ERBIN: variants seen among roughly 807,000 people sequenced by gnomAD.
ERBIN encodes densin-180-like protein.
Under a neutral mutation model 158.4 loss-of-function variants are expected in ERBIN, and 60 were observed. The observed-to-expected ratio is 0.38, with a 90% CI of 0.31 to 0.47. ERBIN has a LOEUF of 0.47. Ranked by LOEUF, ERBIN falls within the 20% of genes least tolerant of loss-of-function variation. ERBIN has a pLI of 0.99. For synonymous variants in ERBIN, 594 were observed against 557.2 expected, an observed-to-expected ratio of 1.07 and a Z score of -0.93; for missense variants, 1,610 against 1,648.0, an observed-to-expected ratio of 0.98 and a Z score of 0.40.
chr5:65,968,330 A>G (rs936245354), intron 1 of ERBIN, among the ~76,000 whole-genome samples: 3 of 152,186 alleles, frequency 2.0e-5, no homozygotes, highest in African/African-American at 7.2e-5. Flanking sequence ...TGTTTCTTCA[A>G]CTGAATATCA....
At chr5:66,069,956 G>A (rs1335496917) in intron 21 of ERBIN, among the ~76,000 whole-genome samples, 1 of 152,118 alleles carries the variant, frequency 6.6e-6, no homozygotes, top group Non-Finnish European at 1.5e-5. Flanking sequence ...GCTGTCCTCT[G>A]TCACCTGCCA....
chr5:65,962,051 C>T (rs1747985731), intron 1 of ERBIN, among the ~76,000 whole-genome samples: 1 of 152,252 alleles, frequency 6.6e-6, no homozygotes, highest in Non-Finnish European at 1.5e-5. Context: ...AGAGTAATTA[C>T]TAGAGTGCTT....
chr5:66,027,593 C>G (rs539606151), intron 13 of ERBIN, among the ~76,000 whole-genome samples: 1 of 151,856 alleles, frequency 6.6e-6, no homozygotes, highest in Non-Finnish European at 1.5e-5. Flanking sequence ...TACAGTATAC[C>G]TACTATTTAC....
At chr5:66,040,489 G>A (rs1757817956) in intron 15 of ERBIN, among the ~76,000 whole-genome samples, 3 of 151,874 alleles carry the variant, frequency 2.0e-5, no homozygotes, top group Non-Finnish European at 2.9e-5. Flanking sequence ...TAGAATGGAA[G>A]AGTTTCTAAT....
Position 65,926,683 on chromosome 5 carries a change from C to T in ERBIN, c.-181C>T, listed in dbSNP as rs1173670480. On this transcript the variant is annotated 5_prime_UTR_variant, in exon 1 of 26. Transcript: ENST00000284037. ...CACCTACTCTTCTTCTGTGGGAGGC[C>T]AGTCCACATCCGCTCTCACCCGAGA... 2 of 151,976 alleles carry T rather than the reference C, an allele frequency of 1.3e-5. No homozygotes were observed. The allele number at this position is 151,976 out of a possible 1,614,324, so 9.4% of individuals were successfully genotyped here. A position where few individuals can be genotyped will look rare whatever the true frequency, so the allele number is the denominator to read the frequency against.
chr5:65,937,954 G>T (rs1744294699), intron 1 of ERBIN, among the ~76,000 whole-genome samples: 1 of 152,016 alleles, frequency 6.6e-6, no homozygotes, highest in Non-Finnish European at 1.5e-5. Context: ...GATTGAGAGG[G>T]TCTGCATTTG....
intron 1 of ERBIN, among the ~76,000 whole-genome samples, chr5:65,986,533 T>C (rs1440705508): frequency 1.3e-5 from 2 of 152,202 alleles, no homozygotes; most frequent in Non-Finnish European, 2.9e-5. Flanking sequence ...TAGCGACAAA[T>C]AGTTTGATGT....
intron 1 of ERBIN, among the ~76,000 whole-genome samples, chr5:65,940,451 T>C (rs1349313778): frequency 1.3e-4 from 12 of 90,332 alleles, no homozygotes; most frequent in Non-Finnish European, 2.5e-4. Context: ...AGCTGCCCCG[T>C]CCGGGAGGGA....
intron 22 of ERBIN, among the ~76,000 whole-genome samples, chr5:66,073,192 G>A (rs1367162019): frequency 6.6e-6 from 1 of 152,098 alleles, no homozygotes; most frequent in Non-Finnish European, 1.5e-5. Flanking sequence ...TTGGTGTCAG[G>A]GAGTCTTAAG....
intron 1 of ERBIN, among the ~76,000 whole-genome samples, chr5:65,978,284 T>C (rs1257238656): frequency 1.2e-4 from 19 of 152,224 alleles, no homozygotes; most frequent in Non-Finnish European, 2.9e-5. Flanking sequence ...CTTCAGATTA[T>C]AGAATGGTCT....
intron 14 of ERBIN, among the ~76,000 whole-genome samples, chr5:66,031,964 C>G (rs1430342019): frequency 2.0e-5 from 3 of 151,960 alleles, no homozygotes; most frequent in Admixed American, 6.6e-5. Flanking sequence ...ACCCCAGCCT[C>G]CTGAGTATCT....
At chr5:66,000,038 T>C (rs918972748) in intron 4 of ERBIN, among the ~76,000 whole-genome samples, 1 of 152,234 alleles carries the variant, frequency 6.6e-6, no homozygotes, top group Non-Finnish European at 1.5e-5. Context: ...AGAATTATTG[T>C]CACTTTAGAA....
chr5:65,978,086 G>A (rs1452027683), intron 1 of ERBIN, among the ~76,000 whole-genome samples: 1 of 152,150 alleles, frequency 6.6e-6, no homozygotes, highest in East Asian at 1.9e-4. Context: ...GATCTGTATT[G>A]TCACAAATGT....
chr5:65,977,111 C>A (rs1222845079), intron 1 of ERBIN, among the ~76,000 whole-genome samples: 3 of 150,716 alleles, frequency 2.0e-5, no homozygotes, highest in African/African-American at 4.9e-5. Context: ...AGGCGCCCCT[C>A]ACCTCCCGGA....
intron 2 of ERBIN, among the ~76,000 whole-genome samples, chr5:65,990,197 ACCTT>A (rs1751708965): frequency 6.6e-6 from 1 of 152,152 alleles, no homozygotes; most frequent in Admixed American, 6.5e-5. Flanking sequence ...TGTTTTAAGA[ACCTT>A]CCTTCAAGTA....
intron 1 of ERBIN, among the ~76,000 whole-genome samples, chr5:65,940,917 C>G (rs1561272034): frequency 3.9e-5 from 6 of 152,108 alleles, no homozygotes; most frequent in Non-Finnish European, 8.8e-5. Context: ...GGATGGTTGC[C>G]ATGTCTGTGT....
In ERBIN at chr5:66,026,400, T is replaced by C. The variant is rs563671691; in HGVS notation, c.1119T>C (p.Ile373=). Residue 373 remains isoleucine, a synonymous_variant, in exon 13 of 26, where the codon ATT becomes ATC. Transcript: ENST00000284037. ...EMGDMQKLKV[I]NLSDNRLKNL... is the part of the protein sequence containing the mutation. ...GTGATATGCAAAAATTAAAAGTCAT[T>C]AATTTAAGTGATAATAGGTTCGTAA... is the stretch of plus-strand genomic sequence containing the variant. 4.4e-6 allele frequency: 7 copies of C among 1,586,394 alleles called. No homozygotes were observed. The South Asian group carries it at 6.8e-5, about 15-fold the overall frequency.
intron 4 of ERBIN, among the ~76,000 whole-genome samples, chr5:66,002,988 T>A (rs547361435): frequency 2.6e-4 from 39 of 152,244 alleles, no homozygotes; most frequent in Non-Finnish European, 3.7e-4. Flanking sequence ...AAATGTAGAC[T>A]GTTAACTGGA....
At chr5:65,963,104 G>T (rs1264640007) in intron 1 of ERBIN, among the ~76,000 whole-genome samples, 3 of 152,040 alleles carry the variant, frequency 2.0e-5, no homozygotes, top group African/African-American at 4.8e-5. Context: ...TTTTTAAAAG[G>T]TAAATTTTTG....
Sources: allele counts gnomAD v4.1 joint callset (sites outside exome capture counted in the v4.1 genomes callset), GRCh38; gene constraint gnomAD v4.1.1; transcripts MANE v1.5; gene names NCBI Gene and HGNC (gene_info 2026-07-23, HGNC 2026-07-21).